ZNF385B: variants seen among roughly 807,000 people sequenced by gnomAD.
ZNF385B encodes zinc finger protein 533.
In ZNF385B, 23 loss-of-function variants were observed where a neutral mutation model predicts 39.2. The ratio of observed to expected loss-of-function variants is 0.59; its 90% confidence interval spans 0.42 to 0.83. The LOEUF is 0.83. Ranked by LOEUF, ZNF385B falls within the 40% of genes least tolerant of loss-of-function variation. The probability of loss-of-function intolerance (pLI) is 0.00; values close to 1 mark genes in which losing one functional copy is unlikely to be tolerated. For synonymous variants in ZNF385B, 205 were observed against 222.6 expected (o/e 0.92, Z 0.70); for missense variants, 552 against 598.9 (o/e 0.92, Z 0.82).
At chr2:179,836,079 G>C (rs779702127) in intron 1 of ZNF385B, among the ~76,000 whole-genome samples, 3 of 152,190 alleles carry the variant, frequency 2.0e-5, no homozygotes, top group Admixed American at 6.5e-5. Flanking sequence ...AGGATATCAA[G>C]CTAGGTTAAA....
chr2:179,609,561 A>T (rs1177205448), intron 3 of ZNF385B, among the ~76,000 whole-genome samples: 3 of 152,192 alleles, frequency 2.0e-5, no homozygotes, highest in African/African-American at 4.8e-5. Context: ...ACTCCTCCAT[A>T]GACTGATTTC....
rs1328129620 is a variant in ZNF385B, at chr2:179,445,024, C to G, written c.1141-47G>C. 3 of 1,519,660 alleles carry G rather than the reference C, an allele frequency of 2.0e-6. No individual in the cohort carries two copies. The African/African-American group carries it at 4.1e-5, about 21-fold the overall frequency. 94.1% of individuals were successfully genotyped at this position (1,519,660 alleles called of 1,614,324 possible). On this transcript the variant is annotated intron_variant, in intron 8 of 9. Transcript: ENST00000410066. ...GCTGGACTGAAATGTGAGTCTTATT[C>G]CATGTAAAACGTATTTCTAGGTAGC...
intron 3 of ZNF385B, among the ~76,000 whole-genome samples, chr2:179,635,698 G>A (rs1691692017): frequency 6.6e-6 from 1 of 151,996 alleles, no homozygotes; most frequent in South Asian, 2.1e-4. Flanking sequence ...TAAATGTATT[G>A]CCTGCTATAC....
At chr2:179,800,643 A>G (rs1705969945) in intron 1 of ZNF385B, among the ~76,000 whole-genome samples, 1 of 152,082 alleles carries the variant, frequency 6.6e-6, no homozygotes, top group Admixed American at 6.6e-5. Context: ...TAAGCTACCA[A>G]TCTAGTTATG....
At chr2:179,538,909 A>C (rs1275011617) in intron 4 of ZNF385B, among the ~76,000 whole-genome samples, 2 of 152,244 alleles carry the variant, frequency 1.3e-5, no homozygotes, top group African/African-American at 4.8e-5. Context: ...TTGGCAGAGA[A>C]ATTGACAGGT....
At chr2:179,464,008 A>G (rs2051675321) in intron 6 of ZNF385B, among the ~76,000 whole-genome samples, 1 of 152,072 alleles carries the variant, frequency 6.6e-6, no homozygotes, top group South Asian at 2.1e-4. Flanking sequence ...CCTCTCCAGC[A>G]CCTGTTGTTT....
intron 1 of ZNF385B, among the ~76,000 whole-genome samples, chr2:179,830,428 A>G (rs983317968): frequency 7.9e-5 from 12 of 152,236 alleles, no homozygotes; most frequent in Non-Finnish European, 1.5e-4. Flanking sequence ...TGCATAAAAA[A>G]TGATTATGGA....
At chr2:179,446,862 T>A in intron 6 of ZNF385B, 92 bp from the exon 7 acceptor site, 1 of 1,471,252 alleles carries the variant, frequency 6.8e-7, no homozygotes, top group South Asian at 1.5e-5. Context: ...AGAAATTTGA[T>A]TCTTATGTGA....
intron 6 of ZNF385B, among the ~76,000 whole-genome samples, chr2:179,459,996 AG>A (rs1559261133): frequency 6.6e-6 from 1 of 151,806 alleles, no homozygotes; most frequent in Non-Finnish European, 1.5e-5. Context: ...CCCAGCTACT[AG>A]GGGGGCTGAG....
At chr2:179,463,568 T>G (rs1356714317) in intron 6 of ZNF385B, among the ~76,000 whole-genome samples, 1 of 152,154 alleles carries the variant, frequency 6.6e-6, no homozygotes, top group Non-Finnish European at 1.5e-5. Context: ...GTGTTCTCAT[T>G]GTTCAACTCC....
Position 179,443,424 on chromosome 2 carries a change from T to C in ZNF385B, c.1287A>G (p.Pro429=). The change falls in exon 10 of 10, where the codon CCA becomes CCG. Residue 429 remains proline, a synonymous_variant. Coordinates refer to ENST00000410066, the MANE Select transcript of ZNF385B (RefSeq NM_152520.6). Reference sequence around the variant, plus strand: ...CTGCGAGAGGTGAGGACAGGAAGGCTGGGGCCAAAGGCTTCATCATATCTT... The same window carrying C: ...CTGCGAGAGGTGAGGACAGGAAGGCCGGGGCCAAAGGCTTCATCATATCTT... The part of the protein sequence containing the change: ...FQKDMMKPLA[P]AFLSSPLAAA... 1.2e-6 allele frequency: 2 copies of C among 1,610,190 alleles called. No individual in the cohort carries two copies. Among genetic ancestry groups the C allele is most frequent in the South Asian group, 2.2e-5 (2 of 90,338 alleles).
rs797004737 is a variant in ZNF385B at position 179,524,350 on chromosome 2, C to T, written c.442-5712G>A. On this transcript the variant is annotated intron_variant, in intron 4 of 9. Coordinates refer to ENST00000410066, the MANE Select transcript of ZNF385B (RefSeq NM_152520.6). The stretch of plus-strand genomic sequence containing the variant: ...GGCGGATCACGAGGTCAGGAGATAG[C>T]GACAATCCTGGCTAACAAGGTAAAA... Among the ~76,000 whole-genome samples the T allele has an allele frequency of 6.6e-5, 10 of 151,428 alleles. 1 individual carries two copies. The highest frequency in any genetic ancestry group is 2.4e-4 in the African/African-American group (10 of 41,264).
In ZNF385B at chr2:179,443,207, C is replaced by G; in HGVS notation, c.*43G>C. The G allele has an allele frequency of 6.2e-7, 1 of 1,608,968 alleles. No homozygotes were observed. Among genetic ancestry groups the G allele is most frequent in the Non-Finnish European group, 8.5e-7 (1 of 1,177,442 alleles). ...TTGCTGAATCCTTGTGGCTTTCTTT[C>G]TCAACTTCCTACTGGCCTCAAACGT... On this transcript the variant is annotated 3_prime_UTR_variant, in exon 10 of 10. Coordinates refer to ENST00000410066, the MANE Select transcript of ZNF385B (RefSeq NM_152520.6).
chr2:179,698,501 T>C (rs1256690518), intron 3 of ZNF385B, among the ~76,000 whole-genome samples: 2 of 152,234 alleles, frequency 1.3e-5, no homozygotes, highest in East Asian at 3.8e-4. Flanking sequence ...CAGCATCATT[T>C]ATTCAAATCA....
chr2:179,508,638 G>C (rs1344025204), intron 5 of ZNF385B, among the ~76,000 whole-genome samples: 1 of 152,218 alleles, frequency 6.6e-6, no homozygotes, highest in East Asian at 1.9e-4. Context: ...TAATGGAAAT[G>C]TACCAAAACT....
intron 1 of ZNF385B, among the ~76,000 whole-genome samples, chr2:179,792,172 C>A (rs1705368966): frequency 6.6e-6 from 1 of 152,034 alleles, no homozygotes; most frequent in Non-Finnish European, 1.5e-5. Context: ...CACCTTCATC[C>A]CAGCCCTAGG....
chr2:179,743,349 A>T (rs980895490), intron 3 of ZNF385B, among the ~76,000 whole-genome samples: 39 of 152,206 alleles, frequency 2.6e-4, no homozygotes, highest in African/African-American at 9.1e-4. Flanking sequence ...TCATCTAAAA[A>T]CACAAAATTG....
chr2:179,769,152 G>T (rs1208432287), intron 3 of ZNF385B, among the ~76,000 whole-genome samples: 1 of 152,190 alleles, frequency 6.6e-6, no homozygotes, highest in African/African-American at 2.4e-5. Flanking sequence ...GGAAACCCAG[G>T]AAAGCTAATT....
chr2:179,715,215 C>CT (rs34782783), intron 3 of ZNF385B, among the ~76,000 whole-genome samples: 42,886 of 151,874 alleles, frequency 0.28, 6,387 homozygotes, highest in East Asian at 0.5. Context: ...AAATCCTATA[C>CT]TCTTAGTACT....
Sources: allele counts gnomAD v4.1 joint callset (sites outside exome capture counted in the v4.1 genomes callset), GRCh38; gene constraint gnomAD v4.1.1; transcripts MANE v1.5; gene names NCBI Gene and HGNC (gene_info 2026-07-23, HGNC 2026-07-21).